The following MOGAT1 variants were observed in gnomAD, a reference collection of about 807,000 sequenced individuals.
The protein encoded by MOGAT1 is monoacylglycerol O-acyltransferase 1.
A neutral mutation model predicts 31.4 loss-of-function variants in MOGAT1; 32 were observed. The ratio of observed to expected loss-of-function variants is 1.02; its 90% confidence interval spans 0.77 to 1.37. The LOEUF (loss-of-function observed/expected upper bound fraction) is 1.37. Ranked by LOEUF, MOGAT1 falls within the 40% of genes most tolerant of loss-of-function variation. The pLI, the probability that MOGAT1 is intolerant of heterozygous loss-of-function variation, is 0.00. For missense variants in MOGAT1, 426 were observed against 402.0 expected (o/e 1.06, Z -0.51); for synonymous variants, 145 against 144.5 (o/e 1.00, Z -0.03).
intron 5 of MOGAT1, among the ~76,000 whole-genome samples, chr2:222,708,408 C>T (rs1358938305): frequency 6.6e-6 from 1 of 152,166 alleles, no homozygotes; most frequent in African/African-American, 2.4e-5. Context: ...CAACCCTTGG[C>T]ATCAGTAGCA....
intron 1 of MOGAT1, chr2:222,678,105 C>T: frequency 1.5e-5 from 3 of 200,442 alleles, no homozygotes; most frequent in Non-Finnish European, 3.1e-5. Flanking sequence ...ATCTAGCCAG[C>T]CTGCTGTGTT....
At chr2:222,688,571 G>A (rs948825669) in intron 2 of MOGAT1, 49 bp downstream of exon 2, 4 of 1,389,598 alleles carry the variant, frequency 2.9e-6, no homozygotes, top group Non-Finnish European at 3.9e-6. Flanking sequence ...GGAGAAGAGT[G>A]GAAATTTGTT....
chr2:222,689,506 G>T, intron 3 of MOGAT1, 37 bp downstream of exon 3: 1 of 1,580,404 alleles, frequency 6.3e-7, no homozygotes. Flanking sequence ...ACAGTGCTTT[G>T]GGGTAGCAGG....
At chr2:222,707,361 G>A (rs148430278) in intron 5 of MOGAT1, among the ~76,000 whole-genome samples, 7 of 120,978 alleles carry the variant, frequency 5.8e-5, no homozygotes, top group African/African-American at 9.5e-5. Context: ...AAGAAAGAAA[G>A]AGAAAGAAAG....
chr2:222,676,097 T>C (rs1287589464), intron 1 of MOGAT1, among the ~76,000 whole-genome samples: 1 of 151,942 alleles, frequency 6.6e-6, no homozygotes, highest in African/African-American at 2.4e-5. Flanking sequence ...AATCAAACAG[T>C]AAGCCCTCCT....
intron 1 of MOGAT1, among the ~76,000 whole-genome samples, chr2:222,673,113 A>G (rs1210276577): frequency 1.3e-5 from 2 of 151,174 alleles, no homozygotes; most frequent in Non-Finnish European, 2.9e-5. Flanking sequence ...GGGTTTCTCC[A>G]TGTTGGTCAG....
At chr2:222,675,332 T>C (rs913134497) in intron 1 of MOGAT1, among the ~76,000 whole-genome samples, 1 of 152,184 alleles carries the variant, frequency 6.6e-6, no homozygotes, top group African/African-American at 2.4e-5. Flanking sequence ...GTCTCATTAT[T>C]TGTGTCTACA....
At chr2:222,694,631 ACCT>A (rs1574974956) in intron 4 of MOGAT1, 95 bp downstream of exon 4, 2 of 1,227,196 alleles carry the variant, frequency 1.6e-6, no homozygotes, top group South Asian at 1.6e-5. Context: ...GCCCTTAAAG[ACCT>A]CCTCCAAATC....
intron 3 of MOGAT1, among the ~76,000 whole-genome samples, chr2:222,692,858 G>A (rs1692782657): frequency 6.6e-6 from 1 of 152,090 alleles, no homozygotes; most frequent in South Asian, 2.1e-4. Context: ...AAACCCAAGA[G>A]GCCCTCTTCC....
At chr2:222,682,984 G>A (rs192417156) in intron 1 of MOGAT1, among the ~76,000 whole-genome samples, 55 of 152,118 alleles carry the variant, frequency 3.6e-4, no homozygotes, top group African/African-American at 1.3e-3. Context: ...CAGGTGGATC[G>A]GTGGAGCGCA....
intron 5 of MOGAT1, among the ~76,000 whole-genome samples, chr2:222,699,860 G>C (rs527256978): frequency 1.3e-5 from 2 of 152,064 alleles, no homozygotes; most frequent in African/African-American, 2.4e-5. Flanking sequence ...CTGAGTATTC[G>C]AGAGCTGGTA....
chr2:222,682,243 G>C (rs1692592838), intron 1 of MOGAT1, among the ~76,000 whole-genome samples: 2 of 152,130 alleles, frequency 1.3e-5, no homozygotes, highest in Admixed American at 6.5e-5. Context: ...TGTATCGCCT[G>C]AAAACAAGAA....
chr2:222,683,430 TAAA>T (rs60533237), intron 1 of MOGAT1, among the ~76,000 whole-genome samples: 5 of 142,798 alleles, frequency 3.5e-5, no homozygotes, highest in African/African-American at 1.0e-4. Flanking sequence ...TCACTTAAAT[TAAA>T]AAAAAAAAAA....
chr2:222,692,377 AG>A (rs1338914601), intron 3 of MOGAT1, among the ~76,000 whole-genome samples: 3 of 152,240 alleles, frequency 2.0e-5, no homozygotes, highest in Admixed American at 1.3e-4. Context: ...GGCCAGTAGC[AG>A]GTGCTCAATA....
intron 5 of MOGAT1, among the ~76,000 whole-genome samples, chr2:222,698,285 C>T (rs1476220913): frequency 6.6e-6 from 1 of 152,144 alleles, no homozygotes; most frequent in African/African-American, 2.4e-5. Context: ...TTTCTCAATC[C>T]CCCAAGTGTA....
Position 222,694,438 on chromosome 2 carries a change from C to T in MOGAT1, c.555C>T (p.Val185=). The change falls in exon 4 of 6, where the codon GTC becomes GTT. Residue 185 remains valine (V), a synonymous_variant. Transcript: ENST00000446656. ...GAGGTGGAAACATCTCTGTCATTGT[C>T]CTTGGGGGTGCAAAAGAATCACTGG... The part of the protein sequence containing the change: ...KEGGGNISVI[V]LGGAKESLDA... 1 of 1,613,844 alleles carries T rather than the reference C, an allele frequency of 6.2e-7. No homozygotes were observed. Among genetic ancestry groups the T allele is most frequent in the Non-Finnish European group, 8.5e-7 (1 of 1,179,814 alleles).
At chr2:222,708,512 T>A (rs897645821) in intron 5 of MOGAT1, among the ~76,000 whole-genome samples, 1 of 152,362 alleles carries the variant, frequency 6.6e-6, no homozygotes, top group African/African-American at 2.4e-5. Context: ...AGATGTTATA[T>A]AAACACCTTT....
At chr2:222,698,025 A>G (rs570941575) in intron 5 of MOGAT1, among the ~76,000 whole-genome samples, 1 of 152,308 alleles carries the variant, frequency 6.6e-6, no homozygotes, top group Admixed American at 6.5e-5. Context: ...CTTAATGGAC[A>G]CAGGAACATA....
At position 222,693,167 on chromosome 2, in the gene MOGAT1, A is replaced by G. The variant is rs1468395023; in HGVS notation, c.479-1195A>G. Among the ~76,000 whole-genome samples the G allele has an allele frequency of 3.9e-5, 6 of 152,366 alleles. No individual in the cohort carries two copies. In the East Asian group the frequency reaches 1.2e-3, roughly 29 times the overall value. ...CTAAATAAAAATGGATAAAACCCAG[A>G]ATGGAAAGAAACATAAGACATTAAA... On this transcript the variant is annotated intron_variant, in intron 3 of 5. Coordinates refer to ENST00000446656, the MANE Select transcript of MOGAT1 (RefSeq NM_058165.3).
Sources: gnomAD v4.1 joint callset for allele counts (sites outside exome capture counted in the v4.1 genomes callset) on GRCh38, gnomAD v4.1.1 for gene constraint, MANE v1.5 for transcripts, NCBI Gene and HGNC (gene_info 2026-07-23, HGNC 2026-07-21) for gene names.